Variants in RYR1 observed in about 807,000 individuals in gnomAD.
The protein encoded by RYR1 is central core disease of muscle.
A neutral mutation model predicts 583.5 loss-of-function variants in RYR1; 342 were observed. That is an observed-to-expected ratio of 0.59 (90% CI 0.54 to 0.64). RYR1 has a LOEUF of 0.64. RYR1 is among the 30% of genes least tolerant of loss of function. The pLI, the probability that RYR1 is intolerant of heterozygous loss-of-function variation, is 0.00. For synonymous variants in RYR1, 2,791 were observed against 2,822.5 expected (o/e 0.99, Z 0.35); for missense variants, 6,032 against 6,917.2 (o/e 0.87, Z 4.54).
At position 38,500,458 on chromosome 19, in the gene RYR1, G is replaced by C. The variant is rs1970057087; in HGVS notation, c.7324-148G>C. 8.7e-7 allele frequency: 1 copy of C among 1,151,002 alleles called. No homozygotes were observed. Among genetic ancestry groups the C allele is most frequent in the Non-Finnish European group, 1.3e-6 (1 of 795,694 alleles). The allele number at this position is 1,151,002 out of a possible 1,614,324, so 71.3% of individuals were successfully genotyped here. On this transcript the variant is annotated intron_variant, in intron 45 of 105. Coordinates refer to ENST00000359596, the MANE Select transcript of RYR1 (RefSeq NM_000540.3). This position sits in a 1 kb window ranked among gnomAD's most constrained non-coding sequence, Gnocchi z 5.9. The stretch of plus-strand genomic sequence containing the variant: ...TCGGGACTGGGGTGGGGGGGCACAG[G>C]CAGAGGAACGAGGGCTGGAAACTCT...
chr19:38,573,177 G>A lies in RYR1; in HGVS notation c.13999G>A (p.Val4667Met). ...CCTTTGGCCTCCTCCCACTATCCAG[G>A]TGCCCCTGGTAATCTTTAAGCGGGA... ...LCIIGYNCLK[V>M]PLVIFKREKE... is the part of the protein sequence containing the mutation. Residue 4667 changes from valine to methionine, a missense_variant and splice_region_variant, in exon 96 of 106, where the codon GTG becomes ATG. Val to Met is a conservative substitution (Grantham distance 21). Around this residue, in one of 11 missense-constraint regions of RYR1, gnomAD observed 188 missense variants for 215.6 expected, o/e 0.87. Transcript: ENST00000359596. The A allele has an allele frequency of 6.2e-7, 1 of 1,613,776 alleles. No individual in the cohort carries two copies. Among genetic ancestry groups the A allele is most frequent in the Non-Finnish European group, 8.5e-7 (1 of 1,179,804 alleles).
chr19:38,525,369 G>T lies in RYR1; in HGVS notation c.10493G>T (p.Arg3498Leu), dbSNP rs529215921. The change falls in exon 71 of 106, where the codon CGC becomes CTC. Residue 3498 changes from arginine (R) to leucine (L), a missense_variant. Coordinates refer to ENST00000359596, the MANE Select transcript of RYR1 (RefSeq NM_000540.3). The part of the protein sequence containing the change: ...GSDQERTKKK[R>L]RGDRYSVQTS... ...GACCAGGAACGCACCAAGAAGAAGC[G>T]CCGGGGGGACCGGTACTCTGTGCAG... The T allele has an allele frequency of 1.9e-6, 3 of 1,613,962 alleles. No homozygotes were observed. The highest frequency in any genetic ancestry group is 2.2e-5 in the South Asian group (2 of 91,076).
chr19:38,547,759 A>C (rs192685259), intron 88 of RYR1, among the ~76,000 whole-genome samples: 1 of 147,922 alleles, frequency 6.8e-6, no homozygotes, highest in African/African-American at 2.5e-5. Context: ...TCCATCACCC[A>C]GGCTGGAGTG....
At position 38,535,379 on chromosome 19, in the gene RYR1, A is replaced by T; in HGVS notation, c.11503A>T (p.Met3835Leu). Residue 3835 changes from methionine to leucine, a missense_variant, in exon 81 of 106, where the codon ATG (methionine) becomes TTG (leucine). Coordinates refer to ENST00000359596, the MANE Select transcript of RYR1 (RefSeq NM_000540.3). ...CTTCTTCCAGAGTATCCAGGCACTG[A>T]TGCAAACATGCAGGTAGGTTCGAGT... is the stretch of plus-strand genomic sequence containing the variant. ...VGFFQSIQAL[M>L]QTCSVLDLNA... 1 of 1,613,836 alleles carries T rather than the reference A, an allele frequency of 6.2e-7. No homozygotes were observed. Among genetic ancestry groups the T allele is most frequent in the Non-Finnish European group, 8.5e-7 (1 of 1,179,730 alleles).
chr19:38,576,235 C>G (rs1026065543), intron 97 of RYR1, among the ~76,000 whole-genome samples: 1 of 152,272 alleles, frequency 6.6e-6, no homozygotes, highest in East Asian at 1.9e-4. Flanking sequence ...GGATGTAACA[C>G]TTGAGCTCAG....
rs777049924 is a variant in RYR1 at position 38,473,649 on chromosome 19, C to G, written c.4038C>G (p.Asn1346Lys). 2 of 1,557,028 alleles carry G rather than the reference C, an allele frequency of 1.3e-6. No individual in the cohort carries two copies. Among genetic ancestry groups the G allele is most frequent in the South Asian group, 1.2e-5 (1 of 84,730 alleles). ...RSAGGWSEAE[N>K]GKEGTAKEGA... is the part of the protein sequence containing the mutation. ...CTGGGGGCTGGAGCGAGGCAGAGAA[C>G]GGCAAAGAAGGGACTGCGAAGGAGG... The change falls in exon 28 of 106, where the codon AAC becomes AAG. Residue 1346 changes from asparagine (N) to lysine (K), a missense_variant. This residue lies in a region of RYR1 where 2,627 missense variants were observed against 2,961.3 expected (regional missense o/e 0.89). Transcript: ENST00000359596.
chr19:38,502,702 G>C lies in RYR1; in HGVS notation c.7810G>C (p.Glu2604Gln). The C allele has an allele frequency of 1.2e-6, 2 of 1,604,256 alleles. No individual in the cohort carries two copies. Among genetic ancestry groups the C allele is most frequent in the Non-Finnish European group, 1.7e-6 (2 of 1,178,382 alleles). The change falls in exon 48 of 106, where the codon GAG becomes CAG. Residue 2604 changes from glutamate to glutamine, a missense_variant. By Grantham distance (29) the Glu-to-Gln change is conservative. This residue lies in a region of RYR1 where 250 missense variants were observed against 162.3 expected (regional missense o/e 1.54). Coordinates refer to ENST00000359596, the MANE Select transcript of RYR1 (RefSeq NM_000540.3). The part of the protein sequence containing the change: ...SLTKAQRDVI[E>Q]DCLMSLCRYI... ...CACCAAGGCGCAGCGTGACGTCATCGAGGACTGCCTCATGTCGCTCTGCAG... is the reference window on the plus strand; with the variant it reads ...CACCAAGGCGCAGCGTGACGTCATCCAGGACTGCCTCATGTCGCTCTGCAG...
chr19:38,556,512 C>G (rs888595589), intron 89 of RYR1, among the ~76,000 whole-genome samples: 3 of 151,574 alleles, frequency 2.0e-5, no homozygotes, highest in African/African-American at 4.8e-5. Flanking sequence ...AAACACTACA[C>G]ATAATCTAGT....
chr19:38,441,403 G>A (rs536952166), intron 2 of RYR1, among the ~76,000 whole-genome samples: 18 of 151,308 alleles, frequency 1.2e-4, no homozygotes, highest in African/African-American at 4.1e-4. Flanking sequence ...GGCCCTCGGC[G>A]GGGGCGGGGG....
rs1398998190 is a variant in RYR1, at chr19:38,528,909, G to A, written c.11035-42G>A. On this transcript the variant is annotated intron_variant, in intron 75 of 105. Transcript: ENST00000359596. The stretch of plus-strand genomic sequence containing the variant: ...GGACATGGGGGCAGTGACAGGAGGG[G>A]ACTCTAGAAACCCTCTCCCCAAGTC... 5.0e-6 allele frequency: 8 copies of A among 1,593,180 alleles called. No homozygotes were observed. The South Asian group carries it at 9.0e-5, about 18-fold the overall frequency.
intron 92 of RYR1, 30 bp downstream of exon 92, chr19:38,567,017 C>A (rs1385745731): frequency 9.6e-6 from 15 of 1,561,398 alleles, no homozygotes; most frequent in Non-Finnish European, 1.2e-5. Context: ...AGGGGCCTAG[C>A]CCCTATCACT....
rs748167551 is a variant in RYR1 at position 38,499,660 on chromosome 19, T to C, written c.7053T>C (p.Asn2351=). The change falls in exon 44 of 106, where the codon AAT becomes AAC. Residue 2351 remains asparagine (N), a synonymous_variant. Coordinates refer to ENST00000359596, the MANE Select transcript of RYR1 (RefSeq NM_000540.3). The surrounding 1 kb of genome is among the most constrained non-coding windows in gnomAD (Gnocchi z 7.3). ...VNGESVEENA[N]VVVRLLIRKP... is the part of the protein sequence containing the mutation. Reference sequence around the variant, plus strand: ...GCGAGAGCGTGGAGGAGAACGCCAATGTGGTGGTGCGGCTGCTCATCCGGA... The same window carrying C: ...GCGAGAGCGTGGAGGAGAACGCCAACGTGGTGGTGCGGCTGCTCATCCGGA... The C allele has an allele frequency of 2.0e-5, 32 of 1,598,834 alleles. No homozygotes were observed. In the South Asian group the frequency reaches 3.2e-4, roughly 16 times the overall value.
In RYR1 at chr19:38,444,308, G is replaced by C. The variant is rs1422647123; in HGVS notation, c.537+47G>C. ...TGCTCCCAGGTCTGGGGGCGCATGG[G>C]ATGGTCCCCATCTTCTCACCATGGG... is the stretch of plus-strand genomic sequence containing the variant. On this transcript the variant is annotated intron_variant, in intron 6 of 105. Coordinates refer to ENST00000359596, the MANE Select transcript of RYR1 (RefSeq NM_000540.3). The surrounding 1 kb of genome is among the most constrained non-coding windows in gnomAD (Gnocchi z 5.1). 1.4e-6 allele frequency: 2 copies of C among 1,421,162 alleles called. No homozygotes were observed. The highest frequency in any genetic ancestry group is 4.6e-5 in the East Asian group (2 of 43,138). The allele number at this position is 1,421,162 out of a possible 1,614,324, so 88.0% of individuals were successfully genotyped here.
Position 38,473,761 on chromosome 19 carries a change from A to G in RYR1, c.4150A>G (p.Lys1384Glu). 6.5e-7 allele frequency: 1 copy of G among 1,529,526 alleles called. No homozygotes were observed. The highest frequency in any genetic ancestry group is 8.8e-7 in the Non-Finnish European group (1 of 1,136,066). 94.7% of individuals were successfully genotyped at this position (1,529,526 alleles called of 1,614,324 possible). The change falls in exon 28 of 106, where the codon AAG (lysine) becomes GAG (glutamate). Residue 1384 changes from lysine to glutamate, a missense_variant. Coordinates refer to ENST00000359596, the MANE Select transcript of RYR1 (RefSeq NM_000540.3). ...GAAGGATGCCACCACCGAGAAGAAC[A>G]AGAAGAGAGGGTGAGTCGAGGGGGG... Reference protein sequence around the residue: ...NEKDATTEKNKKRGFLFKAKK... With the variant: ...NEKDATTEKNEKRGFLFKAKK...
rs1270023984 is a variant in RYR1 at position 38,512,027 on chromosome 19, GTCCTCTT to G, written c.9173-44_9173-38del. The G allele has an allele frequency of 6.3e-7, 1 of 1,599,208 alleles. No homozygotes were observed. Among genetic ancestry groups the G allele is most frequent in the Non-Finnish European group, 8.5e-7 (1 of 1,170,786 alleles). ...GATGTAGAGGGAGGCACTGTCCTCT[GTCCTCTT>G]AGCCATGGCATCCCCCCGGCCCATC... On this transcript the variant is annotated intron_variant, in intron 61 of 105. Coordinates refer to ENST00000359596, the MANE Select transcript of RYR1 (RefSeq NM_000540.3). This position sits in a 1 kb window ranked among gnomAD's most constrained non-coding sequence, Gnocchi z 5.1.
intron 34 of RYR1, 42 bp downstream of exon 34, chr19:38,486,244 C>A: frequency 6.2e-7 from 1 of 1,612,270 alleles, no homozygotes; most frequent in South Asian, 1.1e-5. Flanking sequence ...ATTCTTCTCC[C>A]ACATTCCCAA....
Position 38,467,630 on chromosome 19 carries a change from CGTT to C in RYR1, c.3202_3204del (p.Cys1068del), listed in dbSNP as rs1176691554. ...TATAGGTCAGGTGGAGAACCAGTCTCGTTGTGACCGGGTGCGCATCTTCCGGGC... is the reference window on the plus strand; with the variant it reads ...TATAGGTCAGGTGGAGAACCAGTCTCGTGACCGGGTGCGCATCTTCCGGGC... On this transcript the variant is annotated inframe_deletion, in exon 25 of 106. Coordinates refer to ENST00000359596, the MANE Select transcript of RYR1 (RefSeq NM_000540.3). The C allele has an allele frequency of 2.5e-6, 4 of 1,614,082 alleles. No individual in the cohort carries two copies. Among genetic ancestry groups the C allele is most frequent in the Non-Finnish European group, 3.4e-6 (4 of 1,180,048 alleles).
rs533625450 is a variant in RYR1 at position 38,506,440 on chromosome 19, A to T, written c.8617-31A>T. ...CTTTGGGGGGGCTGGCATCCTCTGA[A>T]TCTAGCCCTTGACTCTGCATCCACT... On this transcript the variant is annotated intron_variant, in intron 55 of 105. Coordinates refer to ENST00000359596, the MANE Select transcript of RYR1 (RefSeq NM_000540.3). 3 of 1,613,770 alleles carry T rather than the reference A, an allele frequency of 1.9e-6. No individual in the cohort carries two copies. In the East Asian group the frequency reaches 6.7e-5, roughly 36 times the overall value.
chr19:38,556,031 T>G (rs12974185), intron 89 of RYR1, among the ~76,000 whole-genome samples: 5,841 of 152,088 alleles, frequency 0.038, 125 homozygotes, highest in African/African-American at 0.053. Flanking sequence ...ACCTGGCTAA[T>G]TTTTGTATTT....
Sources: allele counts gnomAD v4.1 joint callset (sites outside exome capture counted in the v4.1 genomes callset), GRCh38; gene constraint gnomAD v4.1.1; regional missense constraint gnomAD v4.1.1; non-coding constraint Gnocchi (gnomAD v3.1); transcripts MANE v1.5; gene names NCBI Gene and HGNC (gene_info 2026-07-23, HGNC 2026-07-21).